TKFC: variants seen among roughly 807,000 people sequenced by gnomAD.
The protein encoded by TKFC is triokinase and FMN cyclase.
In TKFC, 46 loss-of-function variants were observed where a neutral mutation model predicts 61.0. The ratio of observed to expected loss-of-function variants is 0.75; its 90% confidence interval spans 0.60 to 0.96. The LOEUF (loss-of-function observed/expected upper bound fraction) is 0.96, where lower values mean the gene tolerates loss of function less well. TKFC is among the 50% of genes least tolerant of loss of function. The pLI is 0.00. For synonymous variants in TKFC, 314 were observed against 330.1 expected, an observed-to-expected ratio of 0.95 and a Z score of 0.53; for missense variants, 715 against 777.5, an observed-to-expected ratio of 0.92 and a Z score of 0.96.
Position 61,346,115 on chromosome 11 carries a change from T to G in TKFC, c.1575+169T>G, listed in dbSNP as rs572510764. On this transcript the variant is annotated intron_variant, in intron 17 of 17. Coordinates refer to ENST00000394900, the MANE Select transcript of TKFC (RefSeq NM_015533.4). The surrounding 1 kb of genome is among the most constrained non-coding windows in gnomAD (Gnocchi z 4.1). ...AGGTGGTTATGTGGCTAAGGAAATATGTAGAGCCCCGCACACTGCCTGGGA... is the reference window on the plus strand; with the variant it reads ...AGGTGGTTATGTGGCTAAGGAAATAGGTAGAGCCCCGCACACTGCCTGGGA... 1 of 1,150,798 alleles carries G rather than the reference T, an allele frequency of 8.7e-7. No homozygotes were observed. The highest frequency in any genetic ancestry group is 2.7e-5 in the Admixed American group (1 of 37,700). The allele number at this position is 1,150,798 out of a possible 1,614,324, so 71.3% of individuals were successfully genotyped here.
intron 11 of TKFC, 88 bp downstream of exon 11, chr11:61,343,546 C>T (rs1273392460): frequency 1.2e-5 from 15 of 1,245,740 alleles, no homozygotes; most frequent in Non-Finnish European, 5.8e-6. Context: ...TCAGGGCTGA[C>T]CGTGACAATC....
At chr11:61,353,414 C>G (rs1857510002), downstream of TKFC, 1 of 608,814 alleles carries the variant, frequency 1.6e-6, no homozygotes, top group Non-Finnish European at 3.0e-6. Context: ...GCTCATAAAA[C>G]TCTTCACTCG....
rs267603064 is a variant in TKFC at position 61,345,500 on chromosome 11, G to T, written c.1386G>T (p.Leu462=). The change falls in exon 15 of 18, where the codon CTG becomes CTT. Residue 462 remains leucine, a synonymous_variant. Coordinates refer to ENST00000394900, the MANE Select transcript of TKFC (RefSeq NM_015533.4). The part of the protein sequence containing the change: ...GLFLTAAAQP[L]KAKTSLPAWS... ...TCCTGACTGCGGCTGCACAGCCCCT[G>T]AAGGCCAAGACCAGCCTCCCAGCCT... is the stretch of plus-strand genomic sequence containing the variant. 13 of 1,613,260 alleles carry T rather than the reference G, an allele frequency of 8.1e-6. No individual in the cohort carries two copies. The highest frequency in any genetic ancestry group is 7.6e-6 in the Non-Finnish European group (9 of 1,180,034).
chr11:61,334,800 C>G, intron 2 of TKFC, 69 bp downstream of exon 2: 1 of 1,609,878 alleles, frequency 6.2e-7, no homozygotes, highest in Non-Finnish European at 8.5e-7. Flanking sequence ...CTTGGGCAAG[C>G]TAAAGCTCCT....
chr11:61,339,021 C>T lies in TKFC; in HGVS notation c.194-45C>T, dbSNP rs370756103. 8.3e-5 allele frequency: 129 copies of T among 1,547,150 alleles called. No homozygotes were observed. The African/African-American group carries it at 1.5e-3, about 19-fold the overall frequency. ...TGTGGGAAGCCCCAGTGACTACAGGCGCGAGTCCCACCCAGCATGCTCACT... is the reference window on the plus strand; with the variant it reads ...TGTGGGAAGCCCCAGTGACTACAGGTGCGAGTCCCACCCAGCATGCTCACT... On this transcript the variant is annotated intron_variant, in intron 3 of 17. Coordinates refer to ENST00000394900, the MANE Select transcript of TKFC (RefSeq NM_015533.4).
intron 7 of TKFC, 96 bp from the exon 8 acceptor site, chr11:61,342,365 T>TACTGTGTGAGTCCAGC: frequency 6.6e-7 from 1 of 1,513,468 alleles, no homozygotes; most frequent in Non-Finnish European, 9.2e-7. Flanking sequence ...CCCGCCCACT[T>TACTGTGTGAGTCCAGC]ACTGTGTGAG....
chr11:61,349,508 C>G, downstream of TKFC: 1 of 702,092 alleles, frequency 1.4e-6, no homozygotes, highest in Non-Finnish European at 2.6e-6. Context: ...CTCTGTTACT[C>G]ATCGCTACTG....
rs1194785061 is a variant in TKFC, at chr11:61,341,506, AGGCCAT to A, written c.560_565del (p.Ala187_Met188del). On this transcript the variant is annotated inframe_deletion and splice_region_variant, in exon 6 of 18. Coordinates refer to ENST00000394900, the MANE Select transcript of TKFC (RefSeq NM_015533.4). ...GCAAAGCAGGTGAACGTGGTCGCCA[AGGCCAT>A]GGGTGAGTGCTGGCCTGGGAGCTGG... 1 of 1,554,688 alleles carries A rather than the reference AGGCCAT, an allele frequency of 6.4e-7. No homozygotes were observed. Among genetic ancestry groups the A allele is most frequent in the East Asian group, 2.4e-5 (1 of 41,182 alleles).
intron 5 of TKFC, 148 bp downstream of exon 5, chr11:61,339,583 T>A (rs1002968905): frequency 1.1e-6 from 1 of 886,210 alleles, no homozygotes; most frequent in African/African-American, 1.7e-5. Context: ...GGCCCCGCCA[T>A]CCCCTCAGCT....
intron 1 of TKFC, 98 bp from the exon 2 acceptor site, chr11:61,334,522 T>G (rs558426505): frequency 5.0e-6 from 3 of 600,796 alleles, no homozygotes; most frequent in Admixed American, 5.1e-5. Context: ...TGGACCGAAG[T>G]CTGGGGCAGC....
intron 2 of TKFC, among the ~76,000 whole-genome samples, chr11:61,336,666 T>A (rs749832064): frequency 6.6e-6 from 1 of 152,182 alleles, no homozygotes; most frequent in Non-Finnish European, 1.5e-5. Flanking sequence ...GAAGTGGGAT[T>A]TGAACCCAAG....
Position 61,337,926 on chromosome 11 carries a change from A to C in TKFC, c.4-15A>C, listed in dbSNP as rs1590719635. On this transcript the variant is annotated splice_polypyrimidine_tract_variant and intron_variant, in intron 2 of 17. Coordinates refer to ENST00000394900, the MANE Select transcript of TKFC (RefSeq NM_015533.4). ...CTGACCACATTCTGACCTCCTTCTCACTCCTCCCTTGCAGACCTCCAAGAA... is the reference window on the plus strand; with the variant it reads ...CTGACCACATTCTGACCTCCTTCTCCCTCCTCCCTTGCAGACCTCCAAGAA... 1.3e-6 allele frequency: 2 copies of C among 1,589,724 alleles called. No homozygotes were observed. The highest frequency in any genetic ancestry group is 4.5e-5 in the East Asian group (2 of 44,532).
chr11:61,349,772 AC>A, downstream of TKFC: 1 of 647,102 alleles, frequency 1.5e-6, no homozygotes, highest in Non-Finnish European at 2.8e-6. Flanking sequence ...TTCTGCAATC[AC>A]CCCATGATGT....
chr11:61,344,088 T>G (rs1856998921), intron 12 of TKFC, 48 bp from the exon 13 acceptor site: 3 of 1,607,528 alleles, frequency 1.9e-6, no homozygotes, highest in Admixed American at 1.7e-5. Context: ...CAAGTGTGGT[T>G]GTGAGAAGGG....
intron 3 of TKFC, among the ~76,000 whole-genome samples, chr11:61,338,712 C>T (rs1565048261): frequency 6.6e-6 from 1 of 152,180 alleles, no homozygotes; most frequent in Non-Finnish European, 1.5e-5. Flanking sequence ...AAGGTCCCTG[C>T]CCTCGTGGAG....
chr11:61,350,984 C>T, downstream of TKFC: 1 of 1,612,130 alleles, frequency 6.2e-7, no homozygotes, highest in Non-Finnish European at 8.5e-7. Flanking sequence ...GGGACTGGAA[C>T]CCATACCTGT....
chr11:61,346,235 G>C lies in TKFC; in HGVS notation c.1576-116G>C, dbSNP rs1857118573. 14 of 1,559,472 alleles carry C rather than the reference G, an allele frequency of 9.0e-6. No homozygotes were observed. The South Asian group carries it at 9.3e-5, about 10-fold the overall frequency. ...GGTGACAGAGCAGAGGGTGCTGGCA[G>C]AGCCAGGGCAAGGGCGTGCAGGGCC... On this transcript the variant is annotated intron_variant, in intron 17 of 17. Transcript: ENST00000394900. This position sits in a 1 kb window ranked among gnomAD's most constrained non-coding sequence, Gnocchi z 4.1.
At chr11:61,351,272 T>C, downstream of TKFC, 1 of 1,010,112 alleles carries the variant, frequency 9.9e-7, no homozygotes, top group Non-Finnish European at 1.3e-6. Flanking sequence ...ATCTAGAATT[T>C]TAACACCCTT....
chr11:61,337,597 C>T (rs1856664406), intron 2 of TKFC, among the ~76,000 whole-genome samples: 1 of 152,168 alleles, frequency 6.6e-6, no homozygotes, highest in Non-Finnish European at 1.5e-5. Flanking sequence ...TGAGGCTTTT[C>T]TTCCTTTTGA....
Sources: gnomAD v4.1 joint callset for allele counts (sites outside exome capture counted in the v4.1 genomes callset) on GRCh38, gnomAD v4.1.1 for gene constraint, Gnocchi (gnomAD v3.1) non-coding constraint, MANE v1.5 for transcripts, NCBI Gene and HGNC (gene_info 2026-07-23, HGNC 2026-07-21) for gene names.